PRRG4: variants seen among roughly 807,000 people sequenced by gnomAD.
PRRG4 encodes proline rich and Gla domain 4.
In PRRG4, 12 loss-of-function variants were observed where a neutral mutation model predicts 20.0. That is an observed-to-expected ratio of 0.60 (90% CI 0.38 to 0.97). PRRG4 has a LOEUF of 0.97. Among genes scored for constraint, PRRG4 ranks in the 50% least tolerant of loss-of-function variants. PRRG4 has a pLI of 0.00. For synonymous variants in PRRG4, 94 were observed against 96.4 expected (o/e 0.98, Z 0.15); for missense variants, 199 against 265.1 (o/e 0.75, Z 1.73).
rs772256866 is a variant in PRRG4, at chr11:32,830,506, AGTTT to A, written c.-18_-15del. ...TTTAATATTTTTTTTTGTTTGTTTT[AGTTT>A]GTTTGACAGTTGCCAGACTATGTTT... On this transcript the variant is annotated splice_acceptor_variant and 5_prime_UTR_variant, in exon 2 of 6. Coordinates refer to ENST00000257836, the MANE Select transcript of PRRG4 (RefSeq NM_024081.6). LOFTEE classifies it low-confidence loss of function (5UTR_SPLICE). 62 of 1,494,422 alleles carry A rather than the reference AGTTT, an allele frequency of 4.1e-5. No individual in the cohort carries two copies. The highest frequency in any genetic ancestry group is 5.2e-5 in the Non-Finnish European group (59 of 1,125,058). The allele number at this position is 1,494,422 out of a possible 1,614,324, so 92.6% of individuals were successfully genotyped here.
rs1851226153 is a variant in PRRG4, at chr11:32,856,138, TA to T, written c.*2612del. 1 of 152,188 alleles carries T rather than the reference TA, an allele frequency of 6.6e-6. No homozygotes were observed. The highest frequency in any genetic ancestry group is 1.5e-5 in the Non-Finnish European group (1 of 68,044). The allele number at this position is 152,188 out of a possible 1,614,324, so 9.4% of individuals were successfully genotyped here. On this transcript the variant is annotated 3_prime_UTR_variant, in exon 6 of 6. Coordinates refer to ENST00000257836, the MANE Select transcript of PRRG4 (RefSeq NM_024081.6). Reference sequence around the variant, plus strand: ...TGAAAATATTTATGATGAATAGAATTATAAGATATGTATGTATCTTGCACTG... The same window carrying T: ...TGAAAATATTTATGATGAATAGAATTTAAGATATGTATGTATCTTGCACTG...
intron 5 of PRRG4, among the ~76,000 whole-genome samples, chr11:32,848,580 T>C (rs1851151333): frequency 6.6e-6 from 1 of 151,266 alleles, no homozygotes; most frequent in Non-Finnish European, 1.5e-5. Context: ...TTATATGTAA[T>C]GTTATATATT....
intron 2 of PRRG4, among the ~76,000 whole-genome samples, chr11:32,833,431 G>A (rs1850992403): frequency 6.6e-6 from 1 of 152,156 alleles, no homozygotes; most frequent in South Asian, 2.1e-4. Flanking sequence ...TACTGGAACA[G>A]AAGACTGTCA....
chr11:32,836,869 TAAG>T, intron 3 of PRRG4, 48 bp downstream of exon 3: 1 of 1,502,264 alleles, frequency 6.7e-7, no homozygotes, highest in South Asian at 1.2e-5. Context: ...AAATTGTACT[TAAG>T]AAAGTGGCAC....
chr11:32,834,289 T>C (rs1003957041), intron 2 of PRRG4, among the ~76,000 whole-genome samples: 7 of 152,184 alleles, frequency 4.6e-5, no homozygotes, highest in Non-Finnish European at 1.0e-4. Context: ...TGGAAGACCA[T>C]TGTAGGAATC....
chr11:32,836,223 C>T (rs1188663124), intron 2 of PRRG4, among the ~76,000 whole-genome samples: 5 of 152,124 alleles, frequency 3.3e-5, no homozygotes, highest in Admixed American at 2.6e-4. Context: ...TCAGAATACA[C>T]ACCTGATAAC....
intron 5 of PRRG4, among the ~76,000 whole-genome samples, chr11:32,849,926 A>G (rs1258884356): frequency 6.6e-6 from 1 of 152,212 alleles, no homozygotes; most frequent in South Asian, 2.1e-4. Context: ...AAAGTAAGGA[A>G]GAATTTGTTT....
chr11:32,840,042 T>G lies in PRRG4; in HGVS notation c.317-65T>G, dbSNP rs912376847. On this transcript the variant is annotated intron_variant, in intron 4 of 5. Coordinates refer to ENST00000257836, the MANE Select transcript of PRRG4 (RefSeq NM_024081.6). The surrounding 1 kb of genome is among the most constrained non-coding windows in gnomAD (Gnocchi z 4.1). ...ATGTGTTTAGAACCAGGATTAAATT[T>G]GTTGAAATCATAGGTGATGCTATAT... is the stretch of plus-strand genomic sequence containing the variant. 8 of 1,210,792 alleles carry G rather than the reference T, an allele frequency of 6.6e-6. No homozygotes were observed. The highest frequency in any genetic ancestry group is 9.6e-6 in the Non-Finnish European group (8 of 829,442). The allele number at this position is 1,210,792 out of a possible 1,614,324, so 75.0% of individuals were successfully genotyped here.
chr11:32,844,821 T>C (rs2133446144), intron 5 of PRRG4, among the ~76,000 whole-genome samples: 1 of 152,186 alleles, frequency 6.6e-6, no homozygotes, highest in East Asian at 1.9e-4. Flanking sequence ...TATTATGAAT[T>C]TGCAAACTAA....
chr11:32,847,593 C>T (rs1055589936), intron 5 of PRRG4, among the ~76,000 whole-genome samples: 1 of 152,074 alleles, frequency 6.6e-6, no homozygotes, highest in African/African-American at 2.4e-5. Flanking sequence ...TTTGACAGTT[C>T]CTCAGAAAGT....
chr11:32,852,848 AC>A (rs1323511779), intron 5 of PRRG4, among the ~76,000 whole-genome samples: 1 of 143,748 alleles, frequency 7.0e-6, no homozygotes. Context: ...ATCTCAGCTC[AC>A]TGCAACCTCT....
At chr11:32,848,190 A>T (rs1465636838) in intron 5 of PRRG4, among the ~76,000 whole-genome samples, 1 of 152,160 alleles carries the variant, frequency 6.6e-6, no homozygotes, top group South Asian at 2.1e-4. Flanking sequence ...CATCCTCTAG[A>T]GGGGAGGAAC....
At chr11:32,846,043 A>T (rs192204348) in intron 5 of PRRG4, among the ~76,000 whole-genome samples, 4 of 152,164 alleles carry the variant, frequency 2.6e-5, no homozygotes, top group African/African-American at 9.6e-5. Context: ...CTTTATACCC[A>T]ACTACTAGGC....
chr11:32,829,960 C>T lies in PRRG4; in HGVS notation c.-236C>T. 9 of 985,656 alleles carry T rather than the reference C, an allele frequency of 9.1e-6. No homozygotes were observed. The highest frequency in any genetic ancestry group is 1.1e-5 in the Non-Finnish European group (9 of 830,102). The allele number at this position is 985,656 out of a possible 1,614,324, so 61.1% of individuals were successfully genotyped here. On this transcript the variant is annotated 5_prime_UTR_variant, in exon 1 of 6. Transcript: ENST00000257836. ...GCCGCCTCCCCGGACCGAGGCAGGA[C>T]CTCACCCCGCGCGTGTTCCCCGGGC...
chr11:32,836,207 C>T (rs1208958745), intron 2 of PRRG4, among the ~76,000 whole-genome samples: 1 of 152,054 alleles, frequency 6.6e-6, no homozygotes, highest in African/African-American at 2.4e-5. Context: ...ATATAAGTGA[C>T]TTATCTCAGA....
intron 2 of PRRG4, among the ~76,000 whole-genome samples, chr11:32,832,346 G>A (rs1728872097): frequency 6.6e-6 from 1 of 152,154 alleles, no homozygotes; most frequent in Admixed American, 6.5e-5. Context: ...GAGAGCAGAG[G>A]AAAGAGTGAG....
At chr11:32,832,101 A>T (rs1850977620) in intron 2 of PRRG4, among the ~76,000 whole-genome samples, 2 of 152,204 alleles carry the variant, frequency 1.3e-5, no homozygotes, top group African/African-American at 4.8e-5. Context: ...AGGGCTGGAG[A>T]TGTCTGTGGA....
At chr11:32,844,685 G>C (rs1339810953) in intron 5 of PRRG4, among the ~76,000 whole-genome samples, 2 of 151,924 alleles carry the variant, frequency 1.3e-5, no homozygotes, top group Admixed American at 1.3e-4. Context: ...ATTTTTAGTA[G>C]AGACGAGGTT....
chr11:32,838,735 T>A (rs1274003782), intron 3 of PRRG4, 147 bp from the exon 4 acceptor site: 4 of 580,292 alleles, frequency 6.9e-6, no homozygotes, highest in Middle Eastern at 2.7e-4. Context: ...TTAATTAGAG[T>A]GAGTCACACC....
Sources: gnomAD v4.1 joint callset for allele counts (sites outside exome capture counted in the v4.1 genomes callset) on GRCh38, gnomAD v4.1.1 for gene constraint, Gnocchi (gnomAD v3.1) non-coding constraint, MANE v1.5 for transcripts, NCBI Gene and HGNC (gene_info 2026-07-23, HGNC 2026-07-21) for gene names.